The following DOCK1 variants were observed in gnomAD, a reference collection of about 807,000 sequenced individuals.
The protein encoded by DOCK1 is dedicator of cytokinesis protein 1.
A neutral mutation model predicts 262.7 loss-of-function variants in DOCK1; 138 were observed. That is an observed-to-expected ratio of 0.53 (90% confidence interval 0.46 to 0.61). The LOEUF (loss-of-function observed/expected upper bound fraction) is 0.61. DOCK1 is among the 20% of genes least tolerant of loss of function. DOCK1 has a pLI of 0.00. For missense variants in DOCK1, 1,908 were observed against 2,370.7 expected (o/e 0.80, Z 4.05); for synonymous variants, 866 against 867.4 (o/e 1.00, Z 0.03).
intron 1 of DOCK1, among the ~76,000 whole-genome samples, chr10:126,918,982 A>ATGGGCACGGAGGAGTTGGAG (rs1202196352): frequency 2.0e-5 from 3 of 151,554 alleles, no homozygotes; most frequent in Admixed American, 6.6e-5. Context: ...GAGAAAGCCG[A>ATGGGCACGGAGGAGTTGGAG]GAGGGAGTGT....
intron 28 of DOCK1, among the ~76,000 whole-genome samples, chr10:127,251,220 G>A (rs185501807): frequency 6.6e-6 from 1 of 151,708 alleles, no homozygotes; most frequent in East Asian, 2.0e-4. Context: ...TCCCGCCTCG[G>A]CCTCCCAAAT....
intron 27 of DOCK1, among the ~76,000 whole-genome samples, chr10:127,187,651 T>TC (rs1485884876): frequency 6.6e-6 from 1 of 151,830 alleles, no homozygotes; most frequent in Non-Finnish European, 1.5e-5. Context: ...AGGGCTCTAT[T>TC]CCCTCAGCCT....
At chr10:127,063,468 C>T (rs1417283520) in intron 23 of DOCK1, among the ~76,000 whole-genome samples, 2 of 151,718 alleles carry the variant, frequency 1.3e-5, no homozygotes, top group African/African-American at 4.9e-5. Context: ...ACTACGATTT[C>T]TTGATTTTTT....
chr10:127,090,201 A>C (rs1397708639), intron 23 of DOCK1, among the ~76,000 whole-genome samples: 8 of 152,120 alleles, frequency 5.3e-5, no homozygotes, highest in Non-Finnish European at 1.2e-4. Flanking sequence ...AGTGGCTTGC[A>C]TTTGGCAAGA....
In DOCK1 at chr10:127,301,436, T is replaced by C. The variant is rs138399560; in HGVS notation, c.3045-37570T>C. On this transcript the variant is annotated intron_variant, in intron 29 of 51. Transcript: ENST00000623213. ...AATGTGTAAAACACACTTCAGTGAG[T>C]ACTGTGCTAACCGCTTCTTTTGGTG... Among the ~76,000 whole-genome samples the C allele has an allele frequency of 3.1e-3, 470 of 152,236 alleles. 8 individuals carry two copies. The highest frequency in any genetic ancestry group is 0.011 in the African/African-American group (450 of 41,540).
chr10:127,205,325 C>A (rs1337839722), intron 27 of DOCK1, among the ~76,000 whole-genome samples: 1 of 152,156 alleles, frequency 6.6e-6, no homozygotes, highest in South Asian at 2.1e-4. Flanking sequence ...CCGACTCCAG[C>A]GTGGATGAAG....
At chr10:126,987,450 A>T in intron 4 of DOCK1, 71 bp from the exon 5 acceptor site, 1 of 1,320,402 alleles carries the variant, frequency 7.6e-7, no homozygotes, top group Non-Finnish European at 1.1e-6. Context: ...TAGATGTGAA[A>T]TTTACCAGGT....
chr10:127,077,218 A>G (rs2046617998), intron 23 of DOCK1, among the ~76,000 whole-genome samples: 1 of 152,014 alleles, frequency 6.6e-6, no homozygotes, highest in African/African-American at 2.4e-5. Context: ...AACATGGTGA[A>G]GCTCCATATC....
intron 47 of DOCK1, among the ~76,000 whole-genome samples, chr10:127,429,977 T>C (rs1208531212): frequency 6.6e-6 from 1 of 152,206 alleles, no homozygotes; most frequent in African/African-American, 2.4e-5. Context: ...TTGATCCTGG[T>C]TCTGCATTCT....
At chr10:127,399,385 C>T (rs985308421) in intron 38 of DOCK1, among the ~76,000 whole-genome samples, 4 of 152,066 alleles carry the variant, frequency 2.6e-5, no homozygotes, top group Admixed American at 1.3e-4. Context: ...AAGGTATTCA[C>T]GTTGGAAGTA....
intron 21 of DOCK1, among the ~76,000 whole-genome samples, chr10:127,046,776 A>G (rs1280752649): frequency 6.6e-6 from 1 of 151,768 alleles, no homozygotes; most frequent in Non-Finnish European, 1.5e-5. Flanking sequence ...AAAAAAAAAA[A>G]AAAAGATTTT....
At chr10:127,232,509 T>C (rs1045028431) in intron 27 of DOCK1, among the ~76,000 whole-genome samples, 15 of 152,170 alleles carry the variant, frequency 9.9e-5, no homozygotes, top group Admixed American at 6.5e-5. Context: ...ACTGCAGTTA[T>C]TGTTTTTATT....
At chr10:127,166,290 C>T (rs994319130) in intron 27 of DOCK1, among the ~76,000 whole-genome samples, 2 of 152,124 alleles carry the variant, frequency 1.3e-5, no homozygotes, top group African/African-American at 2.4e-5. Context: ...TGGTCTCGAT[C>T]TCCTGACCTC....
chr10:126,942,181 G>A (rs1413601884), intron 1 of DOCK1, among the ~76,000 whole-genome samples: 5 of 152,178 alleles, frequency 3.3e-5, no homozygotes, highest in East Asian at 3.9e-4. Flanking sequence ...CCGCCACCAC[G>A]CCCGGCTAAT....
intron 1 of DOCK1, among the ~76,000 whole-genome samples, chr10:126,969,606 A>G (rs1234063255): frequency 6.6e-6 from 1 of 152,142 alleles, no homozygotes; most frequent in African/African-American, 2.4e-5. Context: ...GAGCGGAGTT[A>G]AAAGATCAAA....
chr10:126,908,871 T>C (rs538470443), intron 1 of DOCK1, among the ~76,000 whole-genome samples: 4 of 152,194 alleles, frequency 2.6e-5, no homozygotes, highest in Non-Finnish European at 5.9e-5. Flanking sequence ...ATCCTGTTCC[T>C]AAGATTAGGT....
chr10:127,430,878 A>G (rs1226386960), intron 47 of DOCK1, among the ~76,000 whole-genome samples: 3 of 152,194 alleles, frequency 2.0e-5, no homozygotes, highest in African/African-American at 7.2e-5. Flanking sequence ...GCCGGGAGAC[A>G]GCGACGTAAA....
intron 27 of DOCK1, among the ~76,000 whole-genome samples, chr10:127,156,562 C>CTTCT (rs1455919233): frequency 5.9e-4 from 10 of 16,962 alleles, no homozygotes; most frequent in South Asian, 2.6e-3. Context: ...TCTTCTTCTT[C>CTTCT]TTTTTTTTTT....
At chr10:127,355,704 C>G (rs766477555) in intron 32 of DOCK1, among the ~76,000 whole-genome samples, 84 of 152,164 alleles carry the variant, frequency 5.5e-4, no homozygotes, top group Non-Finnish European at 9.7e-4. Flanking sequence ...AGCCTCGTAG[C>G]ATTAGGGTTT....
Sources: allele counts gnomAD v4.1 joint callset (sites outside exome capture counted in the v4.1 genomes callset), GRCh38; gene constraint gnomAD v4.1.1; transcripts MANE v1.5; gene names NCBI Gene and HGNC (gene_info 2026-07-23, HGNC 2026-07-21).